The following CDIN1 variants were observed in gnomAD, a reference collection of about 807,000 sequenced individuals.
CDIN1 encodes the protein CDAN1 interacting nuclease 1, also known as CDAN1-interacting nuclease 1.
In CDIN1, 33 loss-of-function variants were observed where a neutral mutation model predicts 45.3. The observed-to-expected ratio is 0.73, with a 90% CI of 0.55 to 0.97. The LOEUF is 0.97. Ranked by LOEUF, CDIN1 falls within the 50% of genes least tolerant of loss-of-function variation. The pLI is 0.00. For synonymous variants in CDIN1, 118 were observed against 124.4 expected (o/e 0.95, Z 0.34); for missense variants, 303 against 339.4 (o/e 0.89, Z 0.84).
At chr15:36,690,300 G>T (rs113432539) in intron 5 of CDIN1, among the ~76,000 whole-genome samples, 1 of 149,132 alleles carries the variant, frequency 6.7e-6, no homozygotes, top group African/African-American at 2.5e-5. Context: ...ACAGAGTCTC[G>T]CTCCGTTGCC....
chr15:36,761,303 G>A (rs1314498445), intron 10 of CDIN1, among the ~76,000 whole-genome samples: 1 of 152,138 alleles, frequency 6.6e-6, no homozygotes, highest in Non-Finnish European at 1.5e-5. Context: ...TTTCCGTTGT[G>A]CATATAATTG....
At chr15:36,756,098 C>G (rs1843614461) in intron 10 of CDIN1, 2 of 455,788 alleles carry the variant, frequency 4.4e-6, no homozygotes, top group East Asian at 6.9e-5. Flanking sequence ...AAGTTTGACC[C>G]CGAACATGGT....
At chr15:36,653,205 G>A (rs1201908168) in intron 3 of CDIN1, among the ~76,000 whole-genome samples, 2 of 152,088 alleles carry the variant, frequency 1.3e-5, no homozygotes, top group African/African-American at 4.8e-5. Context: ...TTCCTCGATT[G>A]CATATGAGGA....
chr15:36,693,638 G>A (rs1343523590), intron 7 of CDIN1, among the ~76,000 whole-genome samples: 1 of 152,146 alleles, frequency 6.6e-6, no homozygotes, highest in African/African-American at 2.4e-5. Flanking sequence ...AATTATGTAT[G>A]CACGGACTAA....
chr15:36,778,638 C>G (rs1432182951), intron 10 of CDIN1, among the ~76,000 whole-genome samples: 1 of 152,084 alleles, frequency 6.6e-6, no homozygotes. Flanking sequence ...CTCTAGCATG[C>G]AATTTTGTAG....
At chr15:36,605,433 T>C (rs1323315265) in intron 1 of CDIN1, among the ~76,000 whole-genome samples, 1 of 152,190 alleles carries the variant, frequency 6.6e-6, no homozygotes, top group Non-Finnish European at 1.5e-5. Context: ...AAAAAGTTAG[T>C]TCTGTTAAAT....
At chr15:36,728,325 A>G (rs1486414107) in intron 10 of CDIN1, among the ~76,000 whole-genome samples, 3 of 152,096 alleles carry the variant, frequency 2.0e-5, no homozygotes, top group Non-Finnish European at 4.4e-5. Flanking sequence ...TACAGTGATG[A>G]CTTCCCAGTA....
intron 1 of CDIN1, among the ~76,000 whole-genome samples, chr15:36,606,093 T>C (rs1276302093): frequency 1.3e-5 from 2 of 152,114 alleles, no homozygotes; most frequent in African/African-American, 4.8e-5. Flanking sequence ...ATCTGCCTCC[T>C]TCTCTCTGCT....
chr15:36,621,888 T>C (rs2039213577), intron 1 of CDIN1, among the ~76,000 whole-genome samples: 7 of 151,690 alleles, frequency 4.6e-5, no homozygotes, highest in East Asian at 1.9e-4. Context: ...TTTTTTTTCC[T>C]CCAAGGGCTT....
intron 10 of CDIN1, among the ~76,000 whole-genome samples, chr15:36,761,628 T>C: frequency 6.6e-6 from 1 of 152,186 alleles, no homozygotes; most frequent in Non-Finnish European, 1.5e-5. Flanking sequence ...AAGAAGCTCT[T>C]GTGGGCAGCC....
At position 36,645,284 on chromosome 15, in the gene CDIN1, A is replaced by G. The variant is rs367834262; in HGVS notation, c.209A>G (p.Gln70Arg). ...HTSEAIESYY[Q>R]RYLNGVVKNG... ...TCGGAAGCAATTGAAAGTTATTACC[A>G]GAGGTATGACCTTCCTGCCCCACTA... The change falls in exon 3 of 11, where the codon CAG (glutamine) becomes CGG (arginine). Residue 70 changes from glutamine to arginine, a missense_variant. Gln to Arg is a conservative substitution (Grantham distance 43, BLOSUM62 1). Transcript: ENST00000566621. 10 of 1,551,232 alleles carry G rather than the reference A, an allele frequency of 6.4e-6. No individual in the cohort carries two copies. Among genetic ancestry groups the G allele is most frequent in the Non-Finnish European group, 8.7e-6 (10 of 1,146,320 alleles).
chr15:36,721,075 T>C (rs2043399583), intron 10 of CDIN1, among the ~76,000 whole-genome samples: 1 of 147,160 alleles, frequency 6.8e-6, no homozygotes, highest in African/African-American at 2.6e-5. Context: ...ATAAATGTCT[T>C]CTTTTGAGAA....
At chr15:36,795,049 CAT>C (rs144883597) in intron 10 of CDIN1, among the ~76,000 whole-genome samples, 25,821 of 152,140 alleles carry the variant, frequency 0.17, 2,373 homozygotes, top group Non-Finnish European at 0.21. Context: ...ACAAATATCA[CAT>C]GTTTTCGTTC....
intron 7 of CDIN1, among the ~76,000 whole-genome samples, chr15:36,695,503 T>G (rs2042390074): frequency 6.6e-6 from 1 of 152,144 alleles, no homozygotes; most frequent in African/African-American, 2.4e-5. Context: ...CCACGGGACC[T>G]TCAGCAAATT....
At chr15:36,682,601 A>G (rs1432153438) in intron 5 of CDIN1, among the ~76,000 whole-genome samples, 1 of 147,852 alleles carries the variant, frequency 6.8e-6, no homozygotes, top group African/African-American at 2.5e-5. Context: ...TGTCTCTACA[A>G]AAAAAAAAAA....
intron 1 of CDIN1, chr15:36,619,392 A>T (rs1299899148): frequency 2.8e-6 from 1 of 357,254 alleles, no homozygotes; most frequent in Non-Finnish European, 5.1e-6. Flanking sequence ...ACATCCTTAA[A>T]TCATTATGGA....
At chr15:36,686,135 C>G (rs1030994418) in intron 5 of CDIN1, among the ~76,000 whole-genome samples, 3 of 152,014 alleles carry the variant, frequency 2.0e-5, no homozygotes. Context: ...GCACTATTCA[C>G]GATAGCAAAG....
At chr15:36,734,582 CT>C (rs2043949267) in intron 10 of CDIN1, among the ~76,000 whole-genome samples, 1 of 152,106 alleles carries the variant, frequency 6.6e-6, no homozygotes, top group Non-Finnish European at 1.5e-5. Context: ...TCACCTCAGC[CT>C]GCCTAGCCTG....
intron 1 of CDIN1, chr15:36,619,331 T>C: frequency 1.0e-5 from 6 of 573,322 alleles, no homozygotes; most frequent in Non-Finnish European, 1.7e-5. Context: ...TGTAGCTATA[T>C]TGAACTGTTT....
Sources: allele counts gnomAD v4.1 joint callset (sites outside exome capture counted in the v4.1 genomes callset), GRCh38; gene constraint gnomAD v4.1.1; transcripts MANE v1.5; gene names NCBI Gene and HGNC (gene_info 2026-07-23, HGNC 2026-07-21).